MPPED1: variants seen among roughly 807,000 people sequenced by gnomAD.
MPPED1 encodes metallophosphoesterase domain-containing protein 1.
A neutral mutation model predicts 36.2 loss-of-function variants in MPPED1; 16 were observed. The ratio of observed to expected loss-of-function variants is 0.44; its 90% CI spans 0.30 to 0.67. The LOEUF is 0.67. Ranked by LOEUF, MPPED1 falls within the 30% of genes least tolerant of loss-of-function variation. The pLI, the probability that MPPED1 is intolerant of heterozygous loss-of-function variation, is 0.10. For missense variants in MPPED1, 307 were observed against 453.4 expected (o/e 0.68, Z 2.93); for synonymous variants, 199 against 191.3 (o/e 1.04, Z -0.33).
intron 3 of MPPED1, among the ~76,000 whole-genome samples, chr22:43,460,199 C>G (rs183063517): frequency 1.4e-4 from 20 of 147,958 alleles, no homozygotes; most frequent in African/African-American, 5.0e-4. Flanking sequence ...GAGTGAGACT[C>G]CATCTCAAAA....
At chr22:43,432,220 G>GAGAGAGAGAGAGAGACAA (rs71186588) in intron 2 of MPPED1, among the ~76,000 whole-genome samples, 2 of 150,896 alleles carry the variant, frequency 1.3e-5, no homozygotes, top group African/African-American at 4.9e-5. Flanking sequence ...GAGAGAGAGA[G>GAGAGAGAGAGAGAGACAA]ACACAGAGAG....
chr22:43,470,076 C>T (rs1205535233), intron 3 of MPPED1, among the ~76,000 whole-genome samples: 2 of 134,088 alleles, frequency 1.5e-5, no homozygotes, highest in Non-Finnish European at 3.4e-5. Context: ...ATCATCCATC[C>T]AGCCACCCAT....
intron 4 of MPPED1, among the ~76,000 whole-genome samples, chr22:43,483,454 C>T (rs74937019): frequency 6.6e-6 from 1 of 152,260 alleles, no homozygotes; most frequent in East Asian, 1.9e-4. Flanking sequence ...GGAAGCCCCC[C>T]AGGTGTCGGT....
intron 3 of MPPED1, among the ~76,000 whole-genome samples, chr22:43,470,312 A>T (rs1931330427): frequency 6.6e-6 from 1 of 150,438 alleles, no homozygotes. Flanking sequence ...CCATTCATCC[A>T]TAAACCAGCC....
chr22:43,498,178 T>G, intron 4 of MPPED1, 57 bp from the exon 5 acceptor site: 1 of 1,405,090 alleles, frequency 7.1e-7, no homozygotes, highest in Admixed American at 2.0e-5. Context: ...CCGCATTCCC[T>G]CTGACCACCC....
intron 3 of MPPED1, among the ~76,000 whole-genome samples, chr22:43,452,745 C>T (rs968704714): frequency 9.9e-5 from 15 of 151,754 alleles, no homozygotes; most frequent in African/African-American, 3.6e-4. Flanking sequence ...CTTCCCACGT[C>T]AGCTTCCCAA....
intron 3 of MPPED1, among the ~76,000 whole-genome samples, chr22:43,452,454 C>T (rs1020271786): frequency 3.9e-5 from 6 of 152,178 alleles, no homozygotes; most frequent in Admixed American, 3.9e-4. Context: ...TCTCCCTCCA[C>T]AACCCTAGGC....
At chr22:43,446,908 A>C (rs1016088063) in intron 3 of MPPED1, among the ~76,000 whole-genome samples, 2 of 152,236 alleles carry the variant, frequency 1.3e-5, no homozygotes, top group Non-Finnish European at 2.9e-5. Context: ...TGAGAGCCAC[A>C]CAAACAAGAA....
intron 2 of MPPED1, among the ~76,000 whole-genome samples, chr22:43,433,237 G>A (rs892115761): frequency 1.3e-5 from 2 of 152,090 alleles, no homozygotes; most frequent in South Asian, 4.1e-4. Flanking sequence ...CCCAGGCCAG[G>A]TTAGGGCCTT....
rs135076 is a variant in MPPED1 at position 43,431,021 on chromosome 22, ATTTTTTTTTTTTTTTTTTTTTTT to A, written c.225-3996_225-3974del. Among the ~76,000 whole-genome samples the A allele has an allele frequency of 4.2e-3, 177 of 42,308 alleles. 1 individual carries two copies. The highest frequency in any genetic ancestry group is 0.011 in the African/African-American group (162 of 15,280). The allele number at this position is 42,308 out of a possible 152,430, so 27.8% of individuals were successfully genotyped here. A position where few individuals can be genotyped will look rare whatever the true frequency, so the allele number is the denominator to read the frequency against. On this transcript the variant is annotated intron_variant, in intron 2 of 6. Transcript: ENST00000443721. Reference sequence around the variant, plus strand: ...CTGTCTCTTTCTACTGTTGTTGTTAATTTTTTTTTTTTTTTTTTTTTTTTTTTTTTTTTTTTTTTAGACAGAGT... The same window carrying A: ...CTGTCTCTTTCTACTGTTGTTGTTAATTTTTTTTTTTTTTTTAGACAGAGT...
intron 3 of MPPED1, among the ~76,000 whole-genome samples, chr22:43,453,325 C>A (rs887399465): frequency 7.7e-6 from 1 of 129,068 alleles, no homozygotes; most frequent in Non-Finnish European, 1.7e-5. Context: ...CCCCGCACCA[C>A]CCCCCCTGCC....
At chr22:43,435,992 T>C (rs1407631888) in intron 3 of MPPED1, among the ~76,000 whole-genome samples, 2 of 152,260 alleles carry the variant, frequency 1.3e-5, no homozygotes, top group East Asian at 3.9e-4. Flanking sequence ...ATGGAGATGG[T>C]TTCTCCAGGG....
At chr22:43,461,083 G>T (rs1257732815) in intron 3 of MPPED1, among the ~76,000 whole-genome samples, 1 of 152,138 alleles carries the variant, frequency 6.6e-6, no homozygotes, top group East Asian at 1.9e-4. Flanking sequence ...ACAAGTCCTG[G>T]CTGGGTGCAG....
At chr22:43,420,829 C>G (rs993819917) in intron 1 of MPPED1, among the ~76,000 whole-genome samples, 1 of 152,374 alleles carries the variant, frequency 6.6e-6, no homozygotes, top group East Asian at 1.9e-4. Flanking sequence ...TGTCCCCCCT[C>G]CACCCCGTCC....
chr22:43,501,807 G>T (rs1365023004), intron 5 of MPPED1, among the ~76,000 whole-genome samples: 3 of 151,332 alleles, frequency 2.0e-5, no homozygotes, highest in Non-Finnish European at 4.4e-5. Context: ...TCTTTTCTCT[G>T]CTTTCCCCTC....
intron 3 of MPPED1, among the ~76,000 whole-genome samples, chr22:43,448,032 C>T (rs921594074): frequency 6.6e-6 from 1 of 151,430 alleles, no homozygotes; most frequent in Non-Finnish European, 1.5e-5. Context: ...GCACCCACCA[C>T]CACGCCTGGC....
chr22:43,496,034 G>A (rs1264626004), intron 4 of MPPED1, among the ~76,000 whole-genome samples: 231 of 47,882 alleles, frequency 4.8e-3, no homozygotes, highest in Admixed American at 6.0e-3. Context: ...GATGGTGGAG[G>A]TGGTGGTGGT....
chr22:43,495,489 AGGTAGTGGTGG>A (rs1569088622), intron 4 of MPPED1, among the ~76,000 whole-genome samples: 16 of 10,468 alleles, frequency 1.5e-3, no homozygotes, highest in East Asian at 6.5e-3. Flanking sequence ...GTGGTGGTGG[AGGTAGTGGTGG>A]TGGAGGTGGT....
chr22:43,471,720 C>T (rs912896702), intron 3 of MPPED1, among the ~76,000 whole-genome samples: 1 of 152,210 alleles, frequency 6.6e-6, no homozygotes, highest in Non-Finnish European at 1.5e-5. Context: ...CATGCCTGGT[C>T]GCACTGTGGG....
Sources: gnomAD v4.1 joint callset for allele counts (sites outside exome capture counted in the v4.1 genomes callset) on GRCh38, gnomAD v4.1.1 for gene constraint, MANE v1.5 for transcripts, NCBI Gene and HGNC (gene_info 2026-07-23, HGNC 2026-07-21) for gene names.